Variants in TTLL9 observed in about 807,000 individuals in gnomAD.
The protein encoded by TTLL9 is probable tubulin polyglutamylase TTLL9.
In TTLL9, 47 loss-of-function variants were observed where a neutral mutation model predicts 65.6. That is an observed-to-expected ratio of 0.72 (90% CI 0.57 to 0.91). The LOEUF is 0.91. TTLL9 is among the 40% of genes least tolerant of loss of function. The pLI, the probability that TTLL9 is intolerant of heterozygous loss-of-function variation, is 0.00. For missense variants in TTLL9, 537 were observed against 568.8 expected (o/e 0.94, Z 0.57); for synonymous variants, 179 against 204.8 (o/e 0.87, Z 1.07).
chr20:31,905,853 G>C (rs930163553), intron 4 of TTLL9, among the ~76,000 whole-genome samples: 1 of 152,074 alleles, frequency 6.6e-6, no homozygotes, highest in African/African-American at 2.4e-5. Context: ...GACCAACATG[G>C]AGAAACCCTG....
chr20:31,937,672 G>A (rs969872953), intron 13 of TTLL9, among the ~76,000 whole-genome samples, 163 bp downstream of exon 13: 4 of 152,186 alleles, frequency 2.6e-5, no homozygotes, highest in Non-Finnish European at 5.9e-5. Context: ...TCCACAGAGG[G>A]TGGGGTCCTG....
Position 31,939,021 on chromosome 20 carries a change from A to G in TTLL9, c.1119-121A>G, listed in dbSNP as rs139903994. 4.1e-4 allele frequency: 494 copies of G among 1,199,688 alleles called. 1 individual carries two copies. The African/African-American group carries it at 7.0e-3, about 17-fold the overall frequency. 74.3% of individuals were successfully genotyped at this position (1,199,688 alleles called of 1,614,324 possible). ...GGGAAACAGCCAATGAATGGTTGGGAAAAAGGACTTCTGAGGGACGGACAT... is the reference window on the plus strand; with the variant it reads ...GGGAAACAGCCAATGAATGGTTGGGGAAAAGGACTTCTGAGGGACGGACAT... On this transcript the variant is annotated intron_variant, in intron 13 of 14. Transcript: ENST00000535842.
intron 10 of TTLL9, among the ~76,000 whole-genome samples, chr20:31,931,161 C>T (rs1010092852): frequency 6.6e-6 from 1 of 150,594 alleles, no homozygotes; most frequent in African/African-American, 2.4e-5. Flanking sequence ...TTCACTACAG[C>T]CTCCATCTCC....
At chr20:31,906,815 A>AT (rs1242454899) in intron 4 of TTLL9, among the ~76,000 whole-genome samples, 4 of 152,030 alleles carry the variant, frequency 2.6e-5, no homozygotes, top group Non-Finnish European at 5.9e-5. Context: ...CTCCTGGCTA[A>AT]TTTTTTGTGT....
intron 2 of TTLL9, among the ~76,000 whole-genome samples, chr20:31,877,426 C>T (rs1047220802): frequency 6.6e-6 from 1 of 152,202 alleles, no homozygotes; most frequent in Non-Finnish European, 1.5e-5. Context: ...AGCCACCGCG[C>T]CCGGCCTGGC....
intron 3 of TTLL9, among the ~76,000 whole-genome samples, chr20:31,888,890 C>T (rs1472699733): frequency 6.6e-6 from 1 of 152,034 alleles, no homozygotes; most frequent in African/African-American, 2.4e-5. Context: ...GGGGATGTTG[C>T]CAAACCATTC....
chr20:31,911,689 C>G (rs1223113699), intron 6 of TTLL9, among the ~76,000 whole-genome samples: 1 of 152,184 alleles, frequency 6.6e-6, no homozygotes, highest in African/African-American at 2.4e-5. Flanking sequence ...TCCTCTCAGA[C>G]AAATGGTAAT....
intron 2 of TTLL9, among the ~76,000 whole-genome samples, chr20:31,886,258 G>A (rs943637059): frequency 3.9e-5 from 6 of 152,232 alleles, no homozygotes; most frequent in African/African-American, 1.4e-4. Flanking sequence ...AATAGAAAAT[G>A]AATGCAGATG....
At chr20:31,888,956 T>A (rs1336559491) in intron 3 of TTLL9, among the ~76,000 whole-genome samples, 1 of 151,886 alleles carries the variant, frequency 6.6e-6, no homozygotes, top group East Asian at 1.9e-4. Context: ...ACTTTCAACA[T>A]TGAGAATCAC....
chr20:31,883,962 G>A (rs2063152825), intron 2 of TTLL9: 1 of 434,802 alleles, frequency 2.3e-6, no homozygotes, highest in Non-Finnish European at 4.2e-6. Flanking sequence ...GCAAGAAAAA[G>A]AAATAAAAAG....
chr20:31,879,762 C>G (rs1045204203), intron 2 of TTLL9: 4 of 1,512,920 alleles, frequency 2.6e-6, no homozygotes, highest in Non-Finnish European at 8.9e-7. Flanking sequence ...CGAGAGCATG[C>G]CCTTGGCTCA....
intron 4 of TTLL9, among the ~76,000 whole-genome samples, chr20:31,902,020 A>G (rs1471646702): frequency 6.6e-6 from 1 of 152,182 alleles, no homozygotes; most frequent in Non-Finnish European, 1.5e-5. Flanking sequence ...AATATATAAA[A>G]TCTTTTTAAT....
chr20:31,934,938 AC>A, intron 12 of TTLL9, 50 bp downstream of exon 12: 1 of 1,545,384 alleles, frequency 6.5e-7, no homozygotes, highest in Non-Finnish European at 8.8e-7. Flanking sequence ...CATACTCGGC[AC>A]CCAGACTGCC....
chr20:31,892,583 G>A (rs969595709), intron 3 of TTLL9, among the ~76,000 whole-genome samples: 10 of 152,244 alleles, frequency 6.6e-5, no homozygotes, highest in Admixed American at 1.3e-4. Flanking sequence ...GAAAACATTT[G>A]ACTTTCCAGA....
At chr20:31,938,129 C>CCT (rs966736918) in intron 13 of TTLL9, 2 of 436,930 alleles carry the variant, frequency 4.6e-6, no homozygotes, top group Non-Finnish European at 9.1e-6. Flanking sequence ...TCTCCCTCTC[C>CCT]CTCCCTCCCT....
At chr20:31,922,002 C>G (rs1441080301) in intron 7 of TTLL9, among the ~76,000 whole-genome samples, 1 of 151,998 alleles carries the variant, frequency 6.6e-6, no homozygotes, top group Non-Finnish European at 1.5e-5. Flanking sequence ...GGCGTGGTGG[C>G]TCACACCTGT....
In TTLL9 at chr20:31,887,189, A is replaced by G; in HGVS notation, c.70-7A>G. ...CCAGTTACATCCTTTTCCTTTCCTC[A>G]TTGCAGAACCAAAATTACAAGGGCC... On this transcript the variant is annotated splice_region_variant and splice_polypyrimidine_tract_variant and intron_variant, in intron 2 of 14. Transcript: ENST00000535842. 3.7e-6 allele frequency: 6 copies of G among 1,614,034 alleles called. No individual in the cohort carries two copies. Among genetic ancestry groups the G allele is most frequent in the Non-Finnish European group, 3.4e-6 (4 of 1,179,950 alleles).
At chr20:31,901,941 C>T (rs1247320494) in intron 4 of TTLL9, among the ~76,000 whole-genome samples, 1 of 152,220 alleles carries the variant, frequency 6.6e-6, no homozygotes, top group Non-Finnish European at 1.5e-5. Context: ...CTGTTTCCTC[C>T]TGTATCACTG....
rs747500964 is a variant in TTLL9 at position 31,925,866 on chromosome 20, GC to G, written c.706-181del. The G allele has an allele frequency of 1.9e-6, 3 of 1,551,408 alleles. No individual in the cohort carries two copies. The South Asian group carries it at 3.6e-5, about 18-fold the overall frequency. ...CTTCTCTCTCTCTCTTCCCACCTCT[GC>G]CTTAGTACATCCCGCTGCGGGCCTG... On this transcript the variant is annotated intron_variant, in intron 9 of 14. Transcript: ENST00000535842.
Sources: gnomAD v4.1 joint callset for allele counts (sites outside exome capture counted in the v4.1 genomes callset) on GRCh38, gnomAD v4.1.1 for gene constraint, MANE v1.5 for transcripts, NCBI Gene and HGNC (gene_info 2026-07-23, HGNC 2026-07-21) for gene names.